The following MTPN variants were observed in gnomAD, a reference collection of about 807,000 sequenced individuals.
The protein encoded by MTPN is granule cell differentiation protein.
Under a neutral mutation model 13.5 loss-of-function variants are expected in MTPN, and 2 were observed. The ratio of observed to expected loss-of-function variants is 0.15; its 90% confidence interval spans 0.06 to 0.47. The LOEUF (loss-of-function observed/expected upper bound fraction) is 0.47. Ranked by LOEUF, MTPN falls within the 20% of genes least tolerant of loss-of-function variation. MTPN has a pLI of 0.97. For missense variants in MTPN, 79 were observed against 137.9 expected (o/e 0.57, Z 2.14); for synonymous variants, 46 against 51.7 (o/e 0.89, Z 0.48).
chr7:135,934,008 C>A (rs1031635534), intron 3 of MTPN, among the ~76,000 whole-genome samples: 1 of 152,084 alleles, frequency 6.6e-6, no homozygotes, highest in South Asian at 2.1e-4. Context: ...TTGCCTCCTG[C>A]CAGGATTGTT....
intron 1 of MTPN, among the ~76,000 whole-genome samples, chr7:135,958,646 T>C (rs1799479155): frequency 6.6e-6 from 1 of 152,180 alleles, no homozygotes. Flanking sequence ...TGCAGACACA[T>C]GGCACAAGCA....
chr7:135,951,683 A>G, intron 1 of MTPN, 53 bp from the exon 2 acceptor site: 1 of 1,176,062 alleles, frequency 8.5e-7, no homozygotes, highest in Non-Finnish European at 1.2e-6. Flanking sequence ...AGACTGAAGA[A>G]GTGAAATGAG....
intron 3 of MTPN, among the ~76,000 whole-genome samples, chr7:135,935,623 C>T (rs917772149): frequency 6.6e-6 from 1 of 152,150 alleles, no homozygotes; most frequent in Admixed American, 6.5e-5. Context: ...TGTTCATATA[C>T]CTAAAAGCCT....
intron 1 of MTPN, 122 bp downstream of exon 1, chr7:135,976,907 T>G: frequency 2.1e-6 from 2 of 944,144 alleles, no homozygotes; most frequent in South Asian, 1.4e-5. Context: ...TGGTGCCGCC[T>G]CCACCCAGGA....
intron 3 of MTPN, among the ~76,000 whole-genome samples, chr7:135,944,149 T>C (rs1046906437): frequency 1.3e-5 from 2 of 152,158 alleles, no homozygotes; most frequent in Non-Finnish European, 2.9e-5. Context: ...TTCTAAATTA[T>C]AGCAAATATA....
chr7:135,969,493 T>TATA (rs1799660515), intron 1 of MTPN, among the ~76,000 whole-genome samples: 1 of 149,278 alleles, frequency 6.7e-6, no homozygotes, highest in Non-Finnish European at 1.5e-5. Context: ...AAAGAGGAAC[T>TATA]ATAATAATAA....
intron 1 of MTPN, among the ~76,000 whole-genome samples, chr7:135,969,165 C>A (rs1440453349): frequency 7.0e-6 from 1 of 142,236 alleles, no homozygotes; most frequent in Non-Finnish European, 1.5e-5. Context: ...GTGCAGCGCA[C>A]CAGCATGGCA....
At chr7:135,936,829 C>T (rs1799122419) in intron 3 of MTPN, among the ~76,000 whole-genome samples, 1 of 152,120 alleles carries the variant, frequency 6.6e-6, no homozygotes, top group South Asian at 2.1e-4. Flanking sequence ...GGCTGTTTGT[C>T]ATTCTAGGGA....
chr7:135,976,858 T>G (rs1799781763), intron 1 of MTPN, among the ~76,000 whole-genome samples, 171 bp downstream of exon 1: 1 of 151,998 alleles, frequency 6.6e-6, no homozygotes, highest in African/African-American at 2.4e-5. Context: ...CCTGGACCCT[T>G]CTTTCAGTTT....
rs1237634453 is a variant in MTPN, at chr7:135,926,793, T to C, written c.*3133A>G. ...AATTCAAGTTTATTCCATTTGTTCT[T>C]GCAACACAAAACTTAAAACACAGTA... On this transcript the variant is annotated 3_prime_UTR_variant, in exon 4 of 4. Transcript: ENST00000393085. 1 of 152,656 alleles carries C rather than the reference T, an allele frequency of 6.6e-6. No homozygotes were observed. The highest frequency in any genetic ancestry group is 1.5e-5 in the Non-Finnish European group (1 of 68,060). 9.5% of individuals were successfully genotyped at this position (152,656 alleles called of 1,614,324 possible).
rs1798932805 is a variant in MTPN, at chr7:135,927,174, C to T, written c.*2752G>A. 9.2e-6 allele frequency: 8 copies of T among 867,320 alleles called. No homozygotes were observed. The highest frequency in any genetic ancestry group is 1.3e-5 in the Non-Finnish European group (8 of 598,080). The allele number at this position is 867,320 out of a possible 1,614,324, so 53.7% of individuals were successfully genotyped here. ...AAACAGATACATACAGATTTAAAAT[C>T]CAGTACTTGGGAAAAGATATCAATG... On this transcript the variant is annotated 3_prime_UTR_variant, in exon 4 of 4. Transcript: ENST00000393085.
chr7:135,969,177 A>G (rs1799653933), intron 1 of MTPN, among the ~76,000 whole-genome samples: 1 of 148,530 alleles, frequency 6.7e-6, no homozygotes, highest in Non-Finnish European at 1.5e-5. Flanking sequence ...AGCATGGCAC[A>G]TGTATACATA....
chr7:135,961,138 C>T (rs1440433401), intron 1 of MTPN, among the ~76,000 whole-genome samples: 1 of 151,792 alleles, frequency 6.6e-6, no homozygotes, highest in Non-Finnish European at 1.5e-5. Context: ...CCCAGAATAC[C>T]GAAGTAATAA....
At chr7:135,965,255 T>A (rs945996921) in intron 1 of MTPN, among the ~76,000 whole-genome samples, 1 of 152,126 alleles carries the variant, frequency 6.6e-6, no homozygotes, top group African/African-American at 2.4e-5. Flanking sequence ...TTAAAACTTG[T>A]ACACAACATG....
rs35704525 is a variant in MTPN, at chr7:135,937,370, T to TACACACACACACACACACACAC, written c.271-7380_271-7359dup. Among the ~76,000 whole-genome samples the TACACACACACACACACACACAC allele has an allele frequency of 1.0e-3, 149 of 144,492 alleles. 1 individual carries two copies. The highest frequency in any genetic ancestry group is 3.7e-3 in the African/African-American group (146 of 39,262). The allele number at this position is 144,492 out of a possible 152,430, so 94.8% of individuals were successfully genotyped here. ...TATAGATCTCCAAGTGCTAACTGGA[T>TACACACACACACACACACACAC]ACACACACACACACACACACACACA... is the stretch of plus-strand genomic sequence containing the variant. On this transcript the variant is annotated intron_variant, in intron 3 of 3. Transcript: ENST00000393085.
At chr7:135,961,454 G>A (rs888205411) in intron 1 of MTPN, among the ~76,000 whole-genome samples, 2 of 151,740 alleles carry the variant, frequency 1.3e-5, no homozygotes, top group Admixed American at 6.6e-5. Context: ...TTAGAACACC[G>A]AATTCCAGAG....
chr7:135,977,035 C>A lies in MTPN; in HGVS notation c.66G>T (p.Val22=). Residue 22 remains valine (V), a synonymous_variant, in exon 1 of 4, where the codon GTG becomes GTT. Transcript: ENST00000393085. ...NGDLDEVKDY[V]AKGEDVNRTL... Reference sequence around the variant, plus strand: ...TCTTCTCATCCCCGCTTACCTTGGCCACATAGTCTTTCACCTCATCCAAGT... The same window carrying A: ...TCTTCTCATCCCCGCTTACCTTGGCAACATAGTCTTTCACCTCATCCAAGT... 6.2e-7 allele frequency: 1 copy of A among 1,614,052 alleles called. No homozygotes were observed. Among genetic ancestry groups the A allele is most frequent in the East Asian group, 2.2e-5 (1 of 44,872 alleles).
At chr7:135,969,085 G>GGGA (rs1799649539) in intron 1 of MTPN, among the ~76,000 whole-genome samples, 1 of 61,452 alleles carries the variant, frequency 1.6e-5, no homozygotes, top group African/African-American at 5.1e-5. Context: ...GACTGTTGTG[G>GGGA]GGTGGGGGGG....
At chr7:135,970,721 T>A (rs1799680898) in intron 1 of MTPN, among the ~76,000 whole-genome samples, 2 of 152,204 alleles carry the variant, frequency 1.3e-5, no homozygotes, top group South Asian at 4.1e-4. Context: ...GAATGAACAT[T>A]TATGTTCCAA....
Sources: gnomAD v4.1 joint callset for allele counts (sites outside exome capture counted in the v4.1 genomes callset) on GRCh38, gnomAD v4.1.1 for gene constraint, MANE v1.5 for transcripts, NCBI Gene and HGNC (gene_info 2026-07-23, HGNC 2026-07-21) for gene names.